The following PIWIL2 variants were observed in gnomAD, a reference collection of about 807,000 sequenced individuals.
The protein encoded by PIWIL2 is piwi-like protein 2.
A neutral mutation model predicts 116.5 loss-of-function variants in PIWIL2; 81 were observed. The ratio of observed to expected loss-of-function variants is 0.70; its 90% confidence interval spans 0.58 to 0.84. The LOEUF is 0.84. Among genes scored for constraint, PIWIL2 ranks in the 40% least tolerant of loss-of-function variants. PIWIL2 has a pLI of 0.00. For synonymous variants in PIWIL2, 489 were observed against 429.5 expected, an observed-to-expected ratio of 1.14 and a Z score of -1.71; for missense variants, 1,272 against 1,212.3, an observed-to-expected ratio of 1.05 and a Z score of -0.73.
chr8:22,286,261 G>A (rs1376481750), intron 6 of PIWIL2, among the ~76,000 whole-genome samples: 3 of 152,206 alleles, frequency 2.0e-5, no homozygotes. Flanking sequence ...ACAAAGGAGG[G>A]CATAGGCCAT....
At chr8:22,314,275 A>G in intron 16 of PIWIL2, 53 bp from the exon 17 acceptor site, 2 of 973,848 alleles carry the variant, frequency 2.1e-6, no homozygotes, top group African/African-American at 1.7e-5. Context: ...GAGTCCTGTA[A>G]AAGTCCCCAG....
chr8:22,310,113 T>C (rs750061432), intron 15 of PIWIL2, 39 bp downstream of exon 15: 1 of 1,076,056 alleles, frequency 9.3e-7, no homozygotes, highest in East Asian at 2.4e-5. Flanking sequence ...GGACCAGTAT[T>C]CCCCAAAGTG....
chr8:22,316,496 G>T (rs1831463846), intron 19 of PIWIL2, among the ~76,000 whole-genome samples, 163 bp downstream of exon 19: 1 of 151,410 alleles, frequency 6.6e-6, no homozygotes, highest in Non-Finnish European at 1.5e-5. Flanking sequence ...GGGGGGGAGG[G>T]GTGGAAATGG....
In PIWIL2 at chr8:22,287,558, C is replaced by G. The variant is rs73225895; in HGVS notation, c.774C>G (p.Phe258Leu). Residue 258 changes from phenylalanine (F) to leucine (L), a missense_variant, in exon 7 of 23, where the codon TTC becomes TTG. Transcript: ENST00000356766. ...SPNVECKSMR[F>L]GMLKDHQAVT... Reference sequence around the variant, plus strand: ...ATGTGGAGTGCAAAAGCATGAGGTTCGGCATGTTGAAGGACCATCAAGCTG... The same window carrying G: ...ATGTGGAGTGCAAAAGCATGAGGTTGGGCATGTTGAAGGACCATCAAGCTG... 4 of 1,613,210 alleles carry G rather than the reference C, an allele frequency of 2.5e-6. No individual in the cohort carries two copies. In the African/African-American group the frequency reaches 4.0e-5, roughly 16 times the overall value.
rs375253080 is a variant in PIWIL2 at position 22,310,019 on chromosome 8, C to T, written c.1745C>T (p.Thr582Ile). Residue 582 changes from threonine (T) to isoleucine (I), a missense_variant, in exon 15 of 23, where the codon ACA becomes ATA. Coordinates refer to ENST00000356766, the MANE Select transcript of PIWIL2 (RefSeq NM_018068.5). Reference protein sequence around the residue: ...RINLKNTSFITSQELNWVKEV... With the variant: ...RINLKNTSFIISQELNWVKEV... Reference sequence around the variant, plus strand: ...AACTTAAAAAATACTTCGTTTATCACATCTCAGGAACTAAACTGGGTTAAG... The same window carrying T: ...AACTTAAAAAATACTTCGTTTATCATATCTCAGGAACTAAACTGGGTTAAG... 1 of 1,612,062 alleles carries T rather than the reference C, an allele frequency of 6.2e-7. No individual in the cohort carries two copies. The highest frequency in any genetic ancestry group is 1.1e-5 in the South Asian group (1 of 91,040).
intron 19 of PIWIL2, among the ~76,000 whole-genome samples, chr8:22,317,509 C>T (rs1027813150): frequency 2.0e-5 from 3 of 152,044 alleles, no homozygotes; most frequent in African/African-American, 2.4e-5. Context: ...TAAATCTCCA[C>T]CAACTCAACT....
intron 10 of PIWIL2, among the ~76,000 whole-genome samples, chr8:22,291,348 A>C (rs1830762716): frequency 6.6e-6 from 1 of 151,638 alleles, no homozygotes; most frequent in Non-Finnish European, 1.5e-5. Context: ...ATAGGGTTTC[A>C]CCATGTTTCC....
intron 20 of PIWIL2, among the ~76,000 whole-genome samples, chr8:22,325,481 C>CTTTTTTTTTTTTTTTTTT (rs749493740): frequency 2.1e-5 from 2 of 95,042 alleles, no homozygotes; most frequent in Non-Finnish European, 2.0e-5. Flanking sequence ...TTGATTTAGT[C>CTTTTTTTTTTTTTTTTTT]TTTTTTTTTT....
At chr8:22,341,869 T>C (rs150180793) in intron 20 of PIWIL2, among the ~76,000 whole-genome samples, 100 of 152,132 alleles carry the variant, frequency 6.6e-4, no homozygotes, top group African/African-American at 2.4e-3. Flanking sequence ...ATAGCATGAT[T>C]GTCTATGTAG....
At position 22,307,940 on chromosome 8, in the gene PIWIL2, CT is replaced by C; in HGVS notation, c.1554del (p.Gln519SerfsTer5). The stretch of plus-strand genomic sequence containing the variant: ...TATTTTAATTCTGTTTAGGATTTGG[CT>C]CAGCAAATCAATCTGAGCCCCAAGC... ...KKDFRAMKDL[A>X]QQINLSPKQH... On this transcript the variant is annotated frameshift_variant, in exon 14 of 23. Transcript: ENST00000356766. LOFTEE classifies it high-confidence loss of function. The C allele has an allele frequency of 1.2e-6, 2 of 1,606,316 alleles. No homozygotes were observed. Among genetic ancestry groups the C allele is most frequent in the Non-Finnish European group, 1.7e-6 (2 of 1,175,004 alleles).
intron 10 of PIWIL2, among the ~76,000 whole-genome samples, chr8:22,296,160 A>G (rs991255931): frequency 7.9e-5 from 12 of 151,078 alleles, no homozygotes; most frequent in Non-Finnish European, 1.6e-4. Context: ...GGTTCAAGCA[A>G]TTCTCCTGCC....
At chr8:22,286,235 A>AT (rs1448336575) in intron 6 of PIWIL2, among the ~76,000 whole-genome samples, 2 of 152,256 alleles carry the variant, frequency 1.3e-5, no homozygotes, top group East Asian at 3.8e-4. Context: ...GAGAAAAAAA[A>AT]GGAAAGATGA....
chr8:22,294,635 A>T (rs1260055533), intron 10 of PIWIL2, among the ~76,000 whole-genome samples: 3 of 117,328 alleles, frequency 2.6e-5, no homozygotes, highest in Non-Finnish European at 5.1e-5. Flanking sequence ...AGTGAGCAAG[A>T]CTCTGTCTCA....
At chr8:22,343,259 C>T (rs986987361) in intron 20 of PIWIL2, among the ~76,000 whole-genome samples, 4 of 152,176 alleles carry the variant, frequency 2.6e-5, no homozygotes, top group African/African-American at 9.6e-5. Context: ...ACAAAATTAG[C>T]CGGGTGTGGT....
At chr8:22,314,607 A>C (rs1405624694) in intron 17 of PIWIL2, among the ~76,000 whole-genome samples, 178 bp downstream of exon 17, 1 of 152,222 alleles carries the variant, frequency 6.6e-6, no homozygotes, top group Non-Finnish European at 1.5e-5. Context: ...ATTGCTCTTC[A>C]TAAGCTGCCC....
chr8:22,299,711 A>G (rs1018712088), intron 10 of PIWIL2, among the ~76,000 whole-genome samples: 7 of 152,162 alleles, frequency 4.6e-5, no homozygotes, highest in Non-Finnish European at 1.0e-4. Context: ...TATATATTTG[A>G]TATATTTCAC....
In PIWIL2 at chr8:22,352,977, G is replaced by A. The variant is rs780457682; in HGVS notation, c.2422G>A (p.Glu808Lys). The A allele has an allele frequency of 1.2e-6, 2 of 1,613,250 alleles. No individual in the cohort carries two copies. Among genetic ancestry groups the A allele is most frequent in the Non-Finnish European group, 8.5e-7 (1 of 1,179,402 alleles). ...ATTTCAGGTGAACCACTGTCTACCA[G>A]AGAAGATTGTGGTGTACCGTGATGG... ...KFYEVNHCLP[E>K]KIVVYRDGVS... is the part of the protein sequence containing the mutation. Residue 808 changes from glutamate (E) to lysine (K), a missense_variant, in exon 21 of 23, where the codon GAG becomes AAG. Glu to Lys is a moderately conservative substitution (Grantham distance 56). Transcript: ENST00000356766.
intron 20 of PIWIL2, among the ~76,000 whole-genome samples, chr8:22,332,335 A>G (rs976479222): frequency 2.6e-5 from 4 of 151,976 alleles, no homozygotes; most frequent in African/African-American, 9.7e-5. Context: ...AAAATAATCA[A>G]ACTGTAACAG....
chr8:22,314,273 TA>T, intron 16 of PIWIL2, 54 bp from the exon 17 acceptor site: 1 of 960,178 alleles, frequency 1.0e-6, no homozygotes, highest in Non-Finnish European at 1.5e-6. Flanking sequence ...TAGAGTCCTG[TA>T]AAAGTCCCCA....
Sources: gnomAD v4.1 joint callset for allele counts (sites outside exome capture counted in the v4.1 genomes callset) on GRCh38, gnomAD v4.1.1 for gene constraint, MANE v1.5 for transcripts, NCBI Gene and HGNC (gene_info 2026-07-23, HGNC 2026-07-21) for gene names.